METTL25: variants seen among roughly 807,000 people sequenced by gnomAD.
The protein encoded by METTL25 is probable methyltransferase-like protein 25.
Under a neutral mutation model 71.6 loss-of-function variants are expected in METTL25, and 64 were observed. The observed-to-expected ratio is 0.89, with a 90% CI of 0.73 to 1.10. METTL25 has a LOEUF of 1.10. METTL25 is among the 50% of genes least tolerant of loss of function. The probability of loss-of-function intolerance (pLI) is 0.00; values close to 1 mark genes in which losing one functional copy is unlikely to be tolerated. For missense variants in METTL25, 807 were observed against 707.0 expected (o/e 1.14, Z -1.60); for synonymous variants, 287 against 250.3 (o/e 1.15, Z -1.38).
chr12:82,435,495 G>A (rs1044928482), intron 7 of METTL25, among the ~76,000 whole-genome samples: 20 of 151,396 alleles, frequency 1.3e-4, no homozygotes, highest in African/African-American at 4.8e-4. Context: ...TCTTAAAATT[G>A]ATAAAATCTG....
intron 8 of METTL25, among the ~76,000 whole-genome samples, chr12:82,445,572 G>C (rs1890680274): frequency 6.6e-6 from 1 of 152,130 alleles, no homozygotes; most frequent in Non-Finnish European, 1.5e-5. Context: ...ATCTCTCACA[G>C]TTCTTGTCTA....
chr12:82,417,545 A>C (rs1333162531), intron 5 of METTL25, among the ~76,000 whole-genome samples: 1 of 152,196 alleles, frequency 6.6e-6, no homozygotes, highest in Admixed American at 6.5e-5. Context: ...TACATGTACA[A>C]ATACCTTTTT....
At chr12:82,380,899 C>T (rs1336364017) in intron 1 of METTL25, among the ~76,000 whole-genome samples, 1 of 152,136 alleles carries the variant, frequency 6.6e-6, no homozygotes, top group Admixed American at 6.6e-5. Context: ...GAGCAAACAC[C>T]TGAAAGAAGA....
chr12:82,462,866 G>A (rs1301739536), intron 9 of METTL25, among the ~76,000 whole-genome samples: 2 of 151,992 alleles, frequency 1.3e-5, no homozygotes, highest in Non-Finnish European at 2.9e-5. Flanking sequence ...ATAATCTCTA[G>A]ACTACATATA....
intron 4 of METTL25, among the ~76,000 whole-genome samples, chr12:82,400,420 G>A (rs1445550354): frequency 2.0e-5 from 3 of 151,794 alleles, no homozygotes; most frequent in African/African-American, 7.3e-5. Flanking sequence ...TTTGATAGCT[G>A]ACCATTGTTT....
intron 3 of METTL25, among the ~76,000 whole-genome samples, chr12:82,393,146 T>C (rs901058002): frequency 1.3e-5 from 2 of 152,060 alleles, no homozygotes; most frequent in African/African-American, 2.4e-5. Flanking sequence ...TTTAGGATTT[T>C]TTTTCTATTT....
chr12:82,363,163 C>T (rs777526992), intron 1 of METTL25, among the ~76,000 whole-genome samples: 1 of 152,114 alleles, frequency 6.6e-6, no homozygotes, highest in East Asian at 1.9e-4. Flanking sequence ...CTGCCTGAAT[C>T]CCCAAATGAT....
At chr12:82,404,059 T>C (rs779731045) in intron 5 of METTL25, among the ~76,000 whole-genome samples, 52 of 152,266 alleles carry the variant, frequency 3.4e-4, no homozygotes, top group Non-Finnish European at 5.4e-4. Context: ...ATTGTTTAAT[T>C]TTATTGAAAT....
intron 1 of METTL25, among the ~76,000 whole-genome samples, chr12:82,362,619 T>C (rs10778896): frequency 1 from 151,825 of 152,328 alleles, 75,663 homozygotes; most frequent in Middle Eastern, 1. Context: ...GTACTCAGTA[T>C]TTGGCTTTTA....
At chr12:82,431,392 A>G (rs1372273925) in intron 6 of METTL25, among the ~76,000 whole-genome samples, 1 of 151,648 alleles carries the variant, frequency 6.6e-6, no homozygotes, top group Non-Finnish European at 1.5e-5. Flanking sequence ...CCTCAGACCT[A>G]GAACACTCTA....
intron 9 of METTL25, among the ~76,000 whole-genome samples, chr12:82,473,736 A>G (rs1288603502): frequency 6.6e-6 from 1 of 152,172 alleles, no homozygotes; most frequent in Non-Finnish European, 1.5e-5. Flanking sequence ...AGGAGAGGGC[A>G]CGCAGCAATT....
Position 82,403,065 on chromosome 12 carries a change from A to T in METTL25, c.1214A>T (p.Lys405Met), listed in dbSNP as rs1886777846. The change falls in exon 5 of 12, where the codon AAG (lysine) becomes ATG (methionine). Residue 405 changes from lysine to methionine, a missense_variant. Transcript: ENST00000248306. The part of the protein sequence containing the change: ...LRIFTSNSEI[K>M]GVCSVGCCYH... The stretch of plus-strand genomic sequence containing the variant: ...ATATTTACCTCCAACTCTGAAATCA[A>T]GGGAGTTTGCAGTGTGGGTTGTTGC... 2 of 1,613,482 alleles carry T rather than the reference A, an allele frequency of 1.2e-6. No homozygotes were observed. The highest frequency in any genetic ancestry group is 1.7e-6 in the Non-Finnish European group (2 of 1,179,608).
chr12:82,358,664 T>C lies in METTL25; in HGVS notation c.99T>C (p.Ile33=). 1 of 1,614,166 alleles carries C rather than the reference T, an allele frequency of 6.2e-7. No homozygotes were observed. Among genetic ancestry groups the C allele is most frequent in the Non-Finnish European group, 8.5e-7 (1 of 1,180,036 alleles). Residue 33 remains isoleucine, a synonymous_variant, in exon 1 of 12, where the codon ATT becomes ATC. Transcript: ENST00000248306. ...AGTTCCTGAGGGATGCCCTGTCCAT[T>C]TCCAATGCACATACCGTGGATTTCT... ...LLQFLRDALS[I]SNAHTVDFYT... is the part of the protein sequence containing the mutation.
chr12:82,446,368 A>G (rs1205980641), intron 8 of METTL25, among the ~76,000 whole-genome samples: 3 of 152,090 alleles, frequency 2.0e-5, no homozygotes, highest in African/African-American at 7.2e-5. Context: ...GCTGCAGCAT[A>G]TATATCCTTT....
intron 9 of METTL25, chr12:82,468,446 A>C (rs998597262): frequency 6.5e-6 from 1 of 154,846 alleles, no homozygotes; most frequent in Non-Finnish European, 1.5e-5. Context: ...CTCCTAAATA[A>C]CTCACCCCAT....
At chr12:82,433,587 A>T (rs1031889532) in intron 6 of METTL25, among the ~76,000 whole-genome samples, 2 of 151,636 alleles carry the variant, frequency 1.3e-5, no homozygotes, top group African/African-American at 2.4e-5. Context: ...TTAAACCAGG[A>T]TTCAAATAAC....
intron 5 of METTL25, among the ~76,000 whole-genome samples, chr12:82,422,937 G>A (rs1888655883): frequency 6.6e-6 from 1 of 152,184 alleles, no homozygotes; most frequent in Non-Finnish European, 1.5e-5. Flanking sequence ...CTCATGGATA[G>A]GAAGAATCAA....
At chr12:82,360,216 C>T (rs1317550106) in intron 1 of METTL25, among the ~76,000 whole-genome samples, 2 of 151,074 alleles carry the variant, frequency 1.3e-5, no homozygotes, top group East Asian at 3.9e-4. Context: ...GGTCTCCAGA[C>T]AATGGTAGAG....
In METTL25 at chr12:82,476,650, G is replaced by GA. The variant is rs749712995; in HGVS notation, c.1585dup (p.Ile529AsnfsTer10). On this transcript the variant is annotated frameshift_variant, in exon 10 of 12. Coordinates refer to ENST00000248306, the MANE Select transcript of METTL25 (RefSeq NM_032230.3). LOFTEE classifies it high-confidence loss of function. ...GTTGTTTTTTATCTTGAAGCTGCCA[G>GA]AAAAAATTATAATGAACTACTACGA... 44 of 1,590,350 alleles carry GA rather than the reference G, an allele frequency of 2.8e-5. No individual in the cohort carries two copies. In the Middle Eastern group the frequency reaches 5.0e-4, roughly 18 times the overall value.
Sources: gnomAD v4.1 joint callset for allele counts (sites outside exome capture counted in the v4.1 genomes callset) on GRCh38, gnomAD v4.1.1 for gene constraint, MANE v1.5 for transcripts, NCBI Gene and HGNC (gene_info 2026-07-23, HGNC 2026-07-21) for gene names.